NDST4: variants seen among roughly 807,000 people sequenced by gnomAD.
The protein encoded by NDST4 is N-heparan sulfate sulfotransferase 4.
A neutral mutation model predicts 100.8 loss-of-function variants in NDST4; 63 were observed. The ratio of observed to expected loss-of-function variants is 0.62; its 90% CI spans 0.51 to 0.77. The LOEUF is 0.77. Ranked by LOEUF, NDST4 falls within the 30% of genes least tolerant of loss-of-function variation. The probability of loss-of-function intolerance (pLI) is 0.00; values close to 1 mark genes in which losing one functional copy is unlikely to be tolerated. For synonymous variants in NDST4, 377 were observed against 361.8 expected (o/e 1.04, Z -0.48); for missense variants, 943 against 1,018.4 (o/e 0.93, Z 1.01).
intron 13 of NDST4, among the ~76,000 whole-genome samples, chr4:114,828,718 C>T (rs11941001): frequency 0.27 from 41,266 of 151,938 alleles, 7,387 homozygotes; most frequent in African/African-American, 0.51. Context: ...AAATTGGAGA[C>T]GAACACTTTT....
At chr4:114,958,681 A>C (rs1726194434) in intron 4 of NDST4, among the ~76,000 whole-genome samples, 1 of 152,046 alleles carries the variant, frequency 6.6e-6, no homozygotes, top group Non-Finnish European at 1.5e-5. Flanking sequence ...TTGTGATGGG[A>C]GGAGCTGCCA....
chr4:114,883,657 C>T (rs1015277468), intron 6 of NDST4, among the ~76,000 whole-genome samples: 1 of 152,002 alleles, frequency 6.6e-6, no homozygotes, highest in African/African-American at 2.4e-5. Flanking sequence ...AAAAACAAGA[C>T]CCAGATATTT....
chr4:114,939,393 T>C (rs1725699704), intron 4 of NDST4, among the ~76,000 whole-genome samples: 1 of 152,178 alleles, frequency 6.6e-6, no homozygotes, highest in African/African-American at 2.4e-5. Context: ...TGATTCATAC[T>C]GAGGTTTTAT....
At chr4:115,043,224 A>G (rs2046050) in intron 2 of NDST4, among the ~76,000 whole-genome samples, 20,362 of 152,090 alleles carry the variant, frequency 0.13, 1,740 homozygotes, top group East Asian at 0.41. Flanking sequence ...TTGGTTGTCA[A>G]TCATGGTCTT....
intron 2 of NDST4, among the ~76,000 whole-genome samples, chr4:115,066,606 G>A (rs989040144): frequency 2.6e-5 from 4 of 152,088 alleles, no homozygotes; most frequent in Non-Finnish European, 5.9e-5. Context: ...AATTGACACA[G>A]TGATACTCTT....
intron 4 of NDST4, among the ~76,000 whole-genome samples, chr4:114,940,760 G>T (rs142820029): frequency 6.6e-6 from 1 of 152,152 alleles, no homozygotes; most frequent in African/African-American, 2.4e-5. Context: ...GTGAATGTGG[G>T]GCGGGTTTAT....
chr4:115,075,203 C>T (rs1231385402), intron 2 of NDST4, among the ~76,000 whole-genome samples: 4 of 152,164 alleles, frequency 2.6e-5, no homozygotes, highest in African/African-American at 9.6e-5. Flanking sequence ...TCCAATACCA[C>T]ATTCCCTATA....
intron 2 of NDST4, among the ~76,000 whole-genome samples, chr4:115,070,784 A>G (rs373137134): frequency 6.6e-6 from 1 of 152,162 alleles, no homozygotes; most frequent in African/African-American, 2.4e-5. Context: ...AGTATTAGAA[A>G]TAATGAGCAT....
intron 6 of NDST4, among the ~76,000 whole-genome samples, chr4:114,932,737 A>G (rs72681424): frequency 0.057 from 8,678 of 152,088 alleles, 318 homozygotes; most frequent in Middle Eastern, 0.12. Context: ...CATTTACAAC[A>G]GCATCAAAAA....
In NDST4 at chr4:114,970,510, A is replaced by G; in HGVS notation, c.1141T>C (p.Trp381Arg). The G allele has an allele frequency of 6.2e-7, 1 of 1,614,112 alleles. No individual in the cohort carries two copies. Among genetic ancestry groups the G allele is most frequent in the Non-Finnish European group, 8.5e-7 (1 of 1,179,950 alleles). Residue 381 changes from tryptophan (W) to arginine (R), a missense_variant, in exon 4 of 14, where the codon TGG (tryptophan) becomes CGG (arginine). Trp to Arg is a moderately radical substitution (Grantham distance 101, BLOSUM62 -3). This residue lies in a region of NDST4 where 526 missense variants were observed against 634.1 expected (regional missense o/e 0.83). Coordinates refer to ENST00000264363, the MANE Select transcript of NDST4 (RefSeq NM_022569.3). ...AAGAGGTGGGGCTGCATGTGGCTCC[A>G]CATGTGAGGAAACCACCAGAACTCA... ...VDEFWWFPHM[W>R]SHMQPHLFHN...
At chr4:114,952,125 A>G (rs1366031868) in intron 4 of NDST4, among the ~76,000 whole-genome samples, 11 of 152,124 alleles carry the variant, frequency 7.2e-5, no homozygotes, top group Admixed American at 7.2e-4. Context: ...TGATCAAGTA[A>G]AGCAGAAAGA....
At chr4:115,005,951 G>C (rs1413961097) in intron 2 of NDST4, among the ~76,000 whole-genome samples, 3 of 148,722 alleles carry the variant, frequency 2.0e-5, no homozygotes, top group Non-Finnish European at 3.0e-5. Flanking sequence ...AGAATCGCTT[G>C]AACTCGGGAG....
At chr4:114,997,602 T>C (rs1727192737) in intron 2 of NDST4, among the ~76,000 whole-genome samples, 1 of 152,084 alleles carries the variant, frequency 6.6e-6, no homozygotes, top group Non-Finnish European at 1.5e-5. Flanking sequence ...CAGTCTTGTA[T>C]TGTTTTTGTG....
intron 2 of NDST4, among the ~76,000 whole-genome samples, chr4:114,997,377 G>C (rs1222401492): frequency 6.6e-6 from 1 of 152,022 alleles, no homozygotes; most frequent in African/African-American, 2.4e-5. Flanking sequence ...TGTTACCCAA[G>C]TTGCTAAAGG....
At chr4:115,041,968 C>T (rs1421272083) in intron 2 of NDST4, among the ~76,000 whole-genome samples, 1 of 152,024 alleles carries the variant, frequency 6.6e-6, no homozygotes, top group Non-Finnish European at 1.5e-5. Context: ...TCATCATATG[C>T]CAACTTCTAA....
chr4:115,053,175 G>A (rs73848371), intron 2 of NDST4, among the ~76,000 whole-genome samples: 5,518 of 152,114 alleles, frequency 0.036, 334 homozygotes, highest in African/African-American at 0.12. Flanking sequence ...CAGACCCAGA[G>A]AGCAACAAAC....
At position 114,870,897 on chromosome 4, in the gene NDST4, T is replaced by C; in HGVS notation, c.1590A>G (p.Leu530=). 1 of 1,612,918 alleles carries C rather than the reference T, an allele frequency of 6.2e-7. No individual in the cohort carries two copies. The highest frequency in any genetic ancestry group is 1.1e-5 in the South Asian group (1 of 91,000). The change falls in exon 7 of 14, where the codon TTA becomes TTG. Residue 530 remains leucine (L), a synonymous_variant. Transcript: ENST00000264363. ...AGTTGACCAAGTTCACAAAGGTATA[T>C]AACCCTAGGCGGTCATTTCCATAGT... ...LSNYGNDRLG[L]YTFVNLVNFV...
intron 6 of NDST4, among the ~76,000 whole-genome samples, chr4:114,890,362 T>C (rs949001915): frequency 1.3e-5 from 2 of 152,064 alleles, no homozygotes; most frequent in African/African-American, 4.8e-5. Flanking sequence ...TTTAAATAAA[T>C]AATAACAGGT....
At chr4:115,022,884 G>A (rs1560570486) in intron 2 of NDST4, among the ~76,000 whole-genome samples, 1 of 152,132 alleles carries the variant, frequency 6.6e-6, no homozygotes, top group African/African-American at 2.4e-5. Flanking sequence ...CTTGCCTTCT[G>A]CCATGATTTT....
Sources: allele counts gnomAD v4.1 joint callset (sites outside exome capture counted in the v4.1 genomes callset), GRCh38; gene constraint gnomAD v4.1.1; regional missense constraint gnomAD v4.1.1; transcripts MANE v1.5; gene names NCBI Gene and HGNC (gene_info 2026-07-23, HGNC 2026-07-21).